FREM3: variants seen among roughly 807,000 people sequenced by gnomAD.
The protein encoded by FREM3 is FRAS1-related extracellular matrix protein 3.
A neutral mutation model predicts 129.1 loss-of-function variants in FREM3; 105 were observed. The observed-to-expected ratio is 0.81, with a 90% confidence interval of 0.69 to 0.96. The LOEUF (loss-of-function observed/expected upper bound fraction) is 0.96, where lower values mean the gene tolerates loss of function less well. Among genes scored for constraint, FREM3 ranks in the 40% least tolerant of loss-of-function variants. The pLI, the probability that FREM3 is intolerant of heterozygous loss-of-function variation, is 0.00. For missense variants in FREM3, 2,593 were observed against 2,666.3 expected (o/e 0.97, Z 0.61); for synonymous variants, 1,014 against 1,044.9 (o/e 0.97, Z 0.57).
rs116781779 is a variant in FREM3 at position 143,628,250 on chromosome 4, T to A, written c.5276-490A>T. ...TACCTATTTTATCACTTTCAGGACA[T>A]AGTATGATGTATTGAACTTATACAC... is the stretch of plus-strand genomic sequence containing the variant. On this transcript the variant is annotated intron_variant, in intron 2 of 7. Coordinates refer to ENST00000329798, the MANE Select transcript of FREM3 (RefSeq NM_001168235.2). 8.3e-3 allele frequency among the ~76,000 whole-genome samples: 1,258 copies of A among 152,258 alleles called. 23 individuals carry two copies. Among genetic ancestry groups the A allele is most frequent in the African/African-American group, 0.029 (1,206 of 41,552 alleles).
intron 2 of FREM3, among the ~76,000 whole-genome samples, chr4:143,673,834 T>A (rs1740052192): frequency 6.6e-6 from 1 of 152,238 alleles, no homozygotes; most frequent in African/African-American, 2.4e-5. Flanking sequence ...TGCAGTTCTA[T>A]CTCAGACTGC....
chr4:143,683,496 G>C (rs1021489636), intron 2 of FREM3, among the ~76,000 whole-genome samples: 13 of 152,224 alleles, frequency 8.5e-5, no homozygotes, highest in Admixed American at 6.5e-4. Flanking sequence ...TTCAGGGGTA[G>C]AAGAAGCAGC....
rs138904252 is a variant in FREM3, at chr4:143,611,607, T to C, written c.5780-80A>G. ...AGAAGCCTGTCTGTTTTCTTTAATG[T>C]ATTTTTAGATAATAGCTATCTGAAT... On this transcript the variant is annotated intron_variant, in intron 5 of 7. Coordinates refer to ENST00000329798, the MANE Select transcript of FREM3 (RefSeq NM_001168235.2). 1,522 of 1,247,238 alleles carry C rather than the reference T, an allele frequency of 1.2e-3. 14 individuals are homozygous for C. In the African/African-American group the frequency reaches 0.02, roughly 17 times the overall value. 77.3% of individuals were successfully genotyped at this position (1,247,238 alleles called of 1,614,324 possible).
intron 6 of FREM3, among the ~76,000 whole-genome samples, chr4:143,590,725 T>G (rs971043988): frequency 1.2e-4 from 18 of 152,198 alleles, no homozygotes; most frequent in Admixed American, 3.3e-4. Context: ...TCTGCCAGGC[T>G]TTGGTATCAG....
At chr4:143,581,612 T>A (rs1489528594) in intron 7 of FREM3, among the ~76,000 whole-genome samples, 1 of 150,892 alleles carries the variant, frequency 6.6e-6, no homozygotes, top group Non-Finnish European at 1.5e-5. Context: ...AGTGCTGCCC[T>A]CAGACTGGGG....
At chr4:143,646,623 G>A (rs539333607) in intron 2 of FREM3, among the ~76,000 whole-genome samples, 2 of 152,276 alleles carry the variant, frequency 1.3e-5, no homozygotes, top group African/African-American at 4.8e-5. Context: ...AGAAGGACAT[G>A]TTTGCTTCCC....
At chr4:143,665,891 G>T (rs1739849903) in intron 2 of FREM3, among the ~76,000 whole-genome samples, 1 of 152,012 alleles carries the variant, frequency 6.6e-6, no homozygotes. Context: ...CCACTGAAAT[G>T]CATATTATGT....
At chr4:143,584,080 GAC>G (rs1738194484) in intron 7 of FREM3, among the ~76,000 whole-genome samples, 1 of 152,200 alleles carries the variant, frequency 6.6e-6, no homozygotes, top group Non-Finnish European at 1.5e-5. Context: ...CACATGCAAT[GAC>G]AGTCATAGGT....
intron 6 of FREM3, among the ~76,000 whole-genome samples, chr4:143,605,482 G>C (rs747186987): frequency 2.6e-5 from 4 of 152,078 alleles, no homozygotes; most frequent in Non-Finnish European, 5.9e-5. Context: ...AAATTCAAGT[G>C]CTTTGGTTTC....
At chr4:143,611,056 C>T (rs1738746629) in intron 6 of FREM3, among the ~76,000 whole-genome samples, 1 of 151,916 alleles carries the variant, frequency 6.6e-6, no homozygotes, top group South Asian at 2.1e-4. Context: ...TTTCTTGTGT[C>T]AAGTAAAGTC....
chr4:143,687,890 A>C (rs1182265286), intron 2 of FREM3, among the ~76,000 whole-genome samples: 1 of 152,170 alleles, frequency 6.6e-6, no homozygotes, highest in Non-Finnish European at 1.5e-5. Context: ...TCTATGACAA[A>C]CCCACAGCCA....
At chr4:143,638,180 A>C (rs1739265430) in intron 2 of FREM3, among the ~76,000 whole-genome samples, 1 of 152,188 alleles carries the variant, frequency 6.6e-6, no homozygotes, top group Admixed American at 6.5e-5. Context: ...CTTTTCTTAG[A>C]TTCTTTTGCA....
At chr4:143,678,849 T>A (rs1176056209) in intron 2 of FREM3, among the ~76,000 whole-genome samples, 1 of 151,940 alleles carries the variant, frequency 6.6e-6, no homozygotes. Context: ...TTGTGCTAGT[T>A]TATTATATAT....
intron 6 of FREM3, among the ~76,000 whole-genome samples, chr4:143,602,606 G>A (rs1738591969): frequency 6.6e-6 from 1 of 151,794 alleles, no homozygotes; most frequent in Non-Finnish European, 1.5e-5. Context: ...CATTAACTCT[G>A]ACAGGAGATT....
intron 2 of FREM3, among the ~76,000 whole-genome samples, chr4:143,647,417 G>T (rs917881089): frequency 6.6e-6 from 1 of 152,178 alleles, no homozygotes; most frequent in Non-Finnish European, 1.5e-5. Context: ...CCAAGACAAT[G>T]GGGAAAAATG....
intron 7 of FREM3, among the ~76,000 whole-genome samples, chr4:143,583,242 C>A (rs2149833014): frequency 1.3e-5 from 2 of 152,042 alleles, no homozygotes; most frequent in Middle Eastern, 3.4e-3. Flanking sequence ...TCTGAATGAA[C>A]AGAATCAAAA....
At chr4:143,669,972 A>C (rs1190989304) in intron 2 of FREM3, among the ~76,000 whole-genome samples, 1 of 152,182 alleles carries the variant, frequency 6.6e-6, no homozygotes, top group East Asian at 1.9e-4. Context: ...TGTTACAAGA[A>C]CTATGTAATT....
chr4:143,677,657 TA>T, intron 2 of FREM3, among the ~76,000 whole-genome samples: 1 of 152,340 alleles, frequency 6.6e-6, no homozygotes, highest in African/African-American at 2.4e-5. Context: ...GACAAAGGGC[TA>T]ATATCCAGAA....
intron 7 of FREM3, among the ~76,000 whole-genome samples, chr4:143,583,157 C>T (rs1287718855): frequency 6.6e-6 from 1 of 152,144 alleles, no homozygotes; most frequent in Non-Finnish European, 1.5e-5. Flanking sequence ...ATGAGAGCCA[C>T]TGTGCCGGGC....
Sources: gnomAD v4.1 joint callset for allele counts (sites outside exome capture counted in the v4.1 genomes callset) on GRCh38, gnomAD v4.1.1 for gene constraint, MANE v1.5 for transcripts, NCBI Gene and HGNC (gene_info 2026-07-23, HGNC 2026-07-21) for gene names.